The following RSU1 variants were observed in gnomAD, a reference collection of about 807,000 sequenced individuals.
RSU1 encodes the protein Ras suppressor protein 1, also known as rsu-1.
Under a neutral mutation model 31.1 loss-of-function variants are expected in RSU1, and 26 were observed. That is an observed-to-expected ratio of 0.84 (90% CI 0.61 to 1.16). The LOEUF is 1.16. RSU1 is among the 50% of genes most tolerant of loss of function. The pLI, the probability that RSU1 is intolerant of heterozygous loss-of-function variation, is 0.00. For missense variants in RSU1, 320 were observed against 339.1 expected, an observed-to-expected ratio of 0.94 and a Z score of 0.44; for synonymous variants, 164 against 136.3, an observed-to-expected ratio of 1.20 and a Z score of -1.41.
intron 8 of RSU1, among the ~76,000 whole-genome samples, chr10:16,642,830 T>G (rs1012363573): frequency 2.0e-5 from 3 of 152,218 alleles, no homozygotes; most frequent in Non-Finnish European, 4.4e-5. Context: ...AGTTATGCAT[T>G]CCTTTGCCTT....
intron 8 of RSU1, among the ~76,000 whole-genome samples, chr10:16,676,648 G>C (rs899423582): frequency 2.0e-5 from 3 of 152,196 alleles, no homozygotes; most frequent in African/African-American, 4.8e-5. Context: ...ATTATCTCTA[G>C]TCTGAAAATC....
intron 2 of RSU1, among the ~76,000 whole-genome samples, chr10:16,809,952 G>T (rs547667441): frequency 7.2e-4 from 109 of 150,936 alleles, no homozygotes; most frequent in African/African-American, 2.6e-3. Flanking sequence ...CAGGCACATT[G>T]GCTCACACCT....
chr10:16,770,957 TAAAAAAAAAA>T (rs10547207), intron 3 of RSU1, among the ~76,000 whole-genome samples: 41 of 120,090 alleles, frequency 3.4e-4, no homozygotes, highest in Middle Eastern at 4.9e-3. Flanking sequence ...TATTGCTATT[TAAAAAAAAAA>T]AAAAAAAAAA....
At chr10:16,760,145 A>G (rs1047741647) in intron 4 of RSU1, among the ~76,000 whole-genome samples, 6 of 152,372 alleles carry the variant, frequency 3.9e-5, no homozygotes, top group East Asian at 3.9e-4. Context: ...CAATCAGTAC[A>G]GCACCGACAG....
At chr10:16,657,662 G>A (rs1466326724) in intron 8 of RSU1, among the ~76,000 whole-genome samples, 1 of 151,706 alleles carries the variant, frequency 6.6e-6, no homozygotes, top group Non-Finnish European at 1.5e-5. Flanking sequence ...CGGAGGTTAT[G>A]CCTCCAGACA....
chr10:16,728,136 G>C (rs1274727514), intron 7 of RSU1, among the ~76,000 whole-genome samples: 1 of 152,088 alleles, frequency 6.6e-6, no homozygotes, highest in Non-Finnish European at 1.5e-5. Context: ...TGTTATTTCT[G>C]GACATGACAT....
At chr10:16,594,060 G>A (rs983308566) in intron 8 of RSU1, among the ~76,000 whole-genome samples, 8 of 152,362 alleles carry the variant, frequency 5.3e-5, no homozygotes, top group Middle Eastern at 3.4e-3. Context: ...ATTGCGCAGC[G>A]AAGCTGGCTC....
At chr10:16,642,725 T>C (rs1013235222) in intron 8 of RSU1, among the ~76,000 whole-genome samples, 3 of 152,238 alleles carry the variant, frequency 2.0e-5, no homozygotes, top group African/African-American at 7.2e-5. Flanking sequence ...ATCTTAAACC[T>C]ATTTCCAAAA....
At chr10:16,710,260 T>C (rs928089474) in intron 7 of RSU1, among the ~76,000 whole-genome samples, 2 of 152,218 alleles carry the variant, frequency 1.3e-5, no homozygotes, top group African/African-American at 4.8e-5. Flanking sequence ...TCTACTGAAA[T>C]GATCATATTG....
chr10:16,673,665 C>T (rs199770237), intron 8 of RSU1, among the ~76,000 whole-genome samples: 14 of 152,142 alleles, frequency 9.2e-5, no homozygotes, highest in East Asian at 3.9e-4. Flanking sequence ...TCTCAAATGA[C>T]GCAGGTGGAA....
chr10:16,641,058 T>C (rs1834433647), intron 8 of RSU1, among the ~76,000 whole-genome samples: 1 of 152,200 alleles, frequency 6.6e-6, no homozygotes, highest in African/African-American at 2.4e-5. Flanking sequence ...CATGTTGTGC[T>C]TAATACTCAG....
intron 4 of RSU1, among the ~76,000 whole-genome samples, chr10:16,758,721 G>T (rs370349426): frequency 9.2e-5 from 14 of 152,192 alleles, no homozygotes; most frequent in African/African-American, 3.4e-4. Context: ...GCTGTTGCTA[G>T]AATTATTTTT....
chr10:16,734,800 T>A (rs1836591223), intron 7 of RSU1, among the ~76,000 whole-genome samples: 1 of 152,188 alleles, frequency 6.6e-6, no homozygotes, highest in Non-Finnish European at 1.5e-5. Context: ...TAACCCTCAA[T>A]ATCTCAGAAT....
chr10:16,672,592 T>G (rs1023916433), intron 8 of RSU1, among the ~76,000 whole-genome samples: 1 of 150,126 alleles, frequency 6.7e-6, no homozygotes, highest in African/African-American at 2.5e-5. Context: ...AAAATACTTA[T>G]GCTGAATGAA....
At chr10:16,793,287 TATAG>T (rs1837964400) in intron 2 of RSU1, among the ~76,000 whole-genome samples, 1 of 152,134 alleles carries the variant, frequency 6.6e-6, no homozygotes. Context: ...TTCTACTATT[TATAG>T]ATAAAGGGTC....
Position 16,754,955 on chromosome 10 carries a change from C to T in RSU1, c.316G>A (p.Gly106Ser), listed in dbSNP as rs1342748987. 3.1e-6 allele frequency: 5 copies of T among 1,613,392 alleles called. No homozygotes were observed. The Admixed American group carries it at 6.7e-5, about 22-fold the overall frequency. Residue 106 changes from glycine (G) to serine (S), a missense_variant, in exon 5 of 9, where the codon GGC (glycine) becomes AGC (serine). Coordinates refer to ENST00000345264, the MANE Select transcript of RSU1 (RefSeq NM_012425.4). ...AGAACCTCAAGAGCTGGCAGGGAGC[C>T]GAAGCCTCGTGGCAAAGTGTTCAGC... ...NRLNTLPRGF[G>S]SLPALEVLDL...
chr10:16,784,147 T>C (rs951874106), intron 2 of RSU1, among the ~76,000 whole-genome samples: 1 of 149,344 alleles, frequency 6.7e-6, no homozygotes, highest in Non-Finnish European at 1.5e-5. Context: ...AGTAGTGCAA[T>C]TACAGCTCAT....
chr10:16,798,398 G>A (rs764931359), intron 2 of RSU1, among the ~76,000 whole-genome samples: 2 of 152,204 alleles, frequency 1.3e-5, no homozygotes, highest in African/African-American at 4.8e-5. Context: ...ATCTTCGTAT[G>A]TCAAGGGAGA....
chr10:16,656,426 T>C (rs1278458942), intron 8 of RSU1, among the ~76,000 whole-genome samples: 1 of 152,222 alleles, frequency 6.6e-6, no homozygotes, highest in Admixed American at 6.5e-5. Flanking sequence ...TTGTTTCCAA[T>C]TGTTAGTATT....
Sources: allele counts gnomAD v4.1 joint callset (sites outside exome capture counted in the v4.1 genomes callset), GRCh38; gene constraint gnomAD v4.1.1; transcripts MANE v1.5; gene names NCBI Gene and HGNC (gene_info 2026-07-23, HGNC 2026-07-21).